CNTNAP5: variants seen among roughly 807,000 people sequenced by gnomAD.
CNTNAP5 encodes contactin associated protein family member 5, also known as contactin-associated protein-like 5.
CNTNAP5 carries 72 observed loss-of-function variants against 150.2 expected under a neutral mutation model. That is an observed-to-expected ratio of 0.48 (90% CI 0.40 to 0.58). The LOEUF (loss-of-function observed/expected upper bound fraction) is 0.58. Among genes scored for constraint, CNTNAP5 ranks in the 20% least tolerant of loss-of-function variants. The pLI, the probability that CNTNAP5 is intolerant of heterozygous loss-of-function variation, is 0.00. For missense variants in CNTNAP5, 1,636 were observed against 1,626.2 expected (o/e 1.01, Z -0.10); for synonymous variants, 672 against 619.8 (o/e 1.08, Z -1.25).
intron 8 of CNTNAP5, among the ~76,000 whole-genome samples, chr2:124,523,506 A>G (rs1347038930): frequency 1.3e-5 from 2 of 152,182 alleles, no homozygotes; most frequent in Admixed American, 6.5e-5. Flanking sequence ...CTAGTTCCCA[A>G]AACAGTTTTT....
intron 1 of CNTNAP5, among the ~76,000 whole-genome samples, chr2:124,049,923 C>T (rs1681645517): frequency 6.6e-6 from 1 of 152,100 alleles, no homozygotes; most frequent in Non-Finnish European, 1.5e-5. Flanking sequence ...GTGGAGGGAG[C>T]GAGAAAGCTC....
At chr2:124,340,736 T>G (rs1378851052) in intron 3 of CNTNAP5, among the ~76,000 whole-genome samples, 1 of 150,954 alleles carries the variant, frequency 6.6e-6, no homozygotes, top group African/African-American at 2.4e-5. Context: ...CAGGGCAACA[T>G]AGTGATAATC....
In CNTNAP5 at chr2:124,919,178, T is replaced by G. The variant is rs569358816; in HGVS notation, c.*4890T>G. 6.6e-6 allele frequency among the ~76,000 whole-genome samples: 1 copy of G among 152,052 alleles called. No individual in the cohort carries two copies. The highest frequency in any genetic ancestry group is 6.6e-5 in the Admixed American group (1 of 15,220). On this transcript the variant is annotated 3_prime_UTR_variant, in exon 24 of 24. Transcript: ENST00000682447. ...TGTACAAATAGGGCTGTTATTCAACTTTTCTCTTGAACATTCTACATACAT... is the reference window on the plus strand; with the variant it reads ...TGTACAAATAGGGCTGTTATTCAACGTTTCTCTTGAACATTCTACATACAT...
chr2:124,665,667 A>G (rs1227312783), intron 13 of CNTNAP5, among the ~76,000 whole-genome samples: 2 of 152,128 alleles, frequency 1.3e-5, no homozygotes, highest in Non-Finnish European at 2.9e-5. Flanking sequence ...CCGGCAGATC[A>G]CAAGGTCAGG....
At chr2:124,377,102 G>A (rs990979588) in intron 3 of CNTNAP5, among the ~76,000 whole-genome samples, 1 of 152,092 alleles carries the variant, frequency 6.6e-6, no homozygotes, top group African/African-American at 2.4e-5. Flanking sequence ...ATCTTTAATA[G>A]CCTTAAGGTT....
chr2:124,725,869 A>T (rs1445112091), intron 13 of CNTNAP5, among the ~76,000 whole-genome samples: 1 of 152,044 alleles, frequency 6.6e-6, no homozygotes, highest in East Asian at 1.9e-4. Context: ...AGATTCATTC[A>T]TGTCATTGGA....
chr2:124,713,512 G>A lies in CNTNAP5; in HGVS notation c.2078-33717G>A, dbSNP rs1191571516. Reference sequence around the variant, plus strand: ...CCTGCCTCAGCCTCCCTAGTAGTTGGGATTACAAGTGCATCACCAGGCTTT... The same window carrying A: ...CCTGCCTCAGCCTCCCTAGTAGTTGAGATTACAAGTGCATCACCAGGCTTT... On this transcript the variant is annotated intron_variant, in intron 13 of 23. Coordinates refer to ENST00000682447, the MANE Select transcript of CNTNAP5 (RefSeq NM_001367498.1). Among the ~76,000 whole-genome samples, 7 of 151,278 alleles carry A rather than the reference G, an allele frequency of 4.6e-5. No individual in the cohort carries two copies. The East Asian group carries it at 7.8e-4, about 17-fold the overall frequency.
At position 124,914,441 on chromosome 2, in the gene CNTNAP5, T is replaced by G. The variant is rs188423270; in HGVS notation, c.*153T>G. The G allele has an allele frequency of 3.0e-5, 19 of 640,756 alleles. No individual in the cohort carries two copies. In the Admixed American group the frequency reaches 3.5e-4, roughly 12 times the overall value. The allele number at this position is 640,756 out of a possible 1,614,324, so 39.7% of individuals were successfully genotyped here. ...TGCATCCACCACAGCATCAATTCCC[T>G]TGATCCAGCCCAAGAGACCAGGCAG... is the stretch of plus-strand genomic sequence containing the variant. On this transcript the variant is annotated 3_prime_UTR_variant, in exon 24 of 24. Coordinates refer to ENST00000682447, the MANE Select transcript of CNTNAP5 (RefSeq NM_001367498.1).
intron 13 of CNTNAP5, among the ~76,000 whole-genome samples, chr2:124,662,767 GA>G (rs1678619659): frequency 6.6e-6 from 1 of 152,176 alleles, no homozygotes; most frequent in South Asian, 2.1e-4. Context: ...TTGCCAACTA[GA>G]ACATACTATA....
intron 3 of CNTNAP5, among the ~76,000 whole-genome samples, chr2:124,262,424 C>A (rs1184347785): frequency 1.3e-5 from 2 of 152,192 alleles, no homozygotes; most frequent in Non-Finnish European, 1.5e-5. Flanking sequence ...GTAGAGTTTT[C>A]TATGACAAGC....
At chr2:124,346,284 C>T (rs1262608652) in intron 3 of CNTNAP5, among the ~76,000 whole-genome samples, 2 of 152,146 alleles carry the variant, frequency 1.3e-5, no homozygotes, top group East Asian at 1.9e-4. Context: ...GACTAGTATT[C>T]GTTCAAGGTC....
At chr2:124,881,545 C>G (rs72848782) in intron 21 of CNTNAP5, among the ~76,000 whole-genome samples, 19,657 of 152,110 alleles carry the variant, frequency 0.13, 1,493 homozygotes, top group Non-Finnish European at 0.17. Flanking sequence ...TGAGCCAGCT[C>G]TCCAGTCCTG....
At chr2:124,499,572 G>A (rs1212737811) in intron 7 of CNTNAP5, among the ~76,000 whole-genome samples, 3 of 152,224 alleles carry the variant, frequency 2.0e-5, no homozygotes, top group Admixed American at 1.3e-4. Flanking sequence ...GGGTAGTGCC[G>A]ATGACGAGGG....
chr2:124,519,056 T>C (rs910242045), intron 8 of CNTNAP5, among the ~76,000 whole-genome samples: 1 of 138,554 alleles, frequency 7.2e-6, no homozygotes, highest in Admixed American at 7.3e-5. Flanking sequence ...CTTAAAAACA[T>C]TATGCTAAGG....
At chr2:124,784,097 T>C (rs1304732250) in intron 17 of CNTNAP5, among the ~76,000 whole-genome samples, 1 of 152,128 alleles carries the variant, frequency 6.6e-6, no homozygotes, top group Non-Finnish European at 1.5e-5. Context: ...TAAATGCAGC[T>C]GAACTTCAGT....
chr2:124,777,139 T>C (rs1167035713), intron 17 of CNTNAP5, among the ~76,000 whole-genome samples: 1 of 147,766 alleles, frequency 6.8e-6, no homozygotes, highest in Non-Finnish European at 1.5e-5. Context: ...AATGCTTCTT[T>C]AGTGGGGAAA....
At chr2:124,740,120 A>G (rs2105136809) in intron 13 of CNTNAP5, among the ~76,000 whole-genome samples, 1 of 149,918 alleles carries the variant, frequency 6.7e-6, no homozygotes, top group East Asian at 1.9e-4. Flanking sequence ...GTAATTTTAT[A>G]CAATATGAAT....
intron 1 of CNTNAP5, among the ~76,000 whole-genome samples, chr2:124,149,227 A>T (rs1684340621): frequency 6.6e-6 from 1 of 151,972 alleles, no homozygotes; most frequent in African/African-American, 2.4e-5. Context: ...CCTTCCAGTC[A>T]TTACATTTTG....
chr2:124,847,332 A>G (rs1683070194), intron 19 of CNTNAP5, among the ~76,000 whole-genome samples: 2 of 152,112 alleles, frequency 1.3e-5, no homozygotes, highest in Admixed American at 6.6e-5. Context: ...CAATGGAGTT[A>G]TATTCCCAGG....
Sources: gnomAD v4.1 joint callset for allele counts (sites outside exome capture counted in the v4.1 genomes callset) on GRCh38, gnomAD v4.1.1 for gene constraint, MANE v1.5 for transcripts, NCBI Gene and HGNC (gene_info 2026-07-23, HGNC 2026-07-21) for gene names.